ATP6V1C2: variants seen among roughly 807,000 people sequenced by gnomAD.
ATP6V1C2 encodes the protein V-type proton ATPase subunit C 2.
In ATP6V1C2, 45 loss-of-function variants were observed where a neutral mutation model predicts 56.8. The observed-to-expected ratio is 0.79, with a 90% confidence interval of 0.62 to 1.02. The LOEUF (loss-of-function observed/expected upper bound fraction) is 1.02, where lower values mean the gene tolerates loss of function less well. Among genes scored for constraint, ATP6V1C2 ranks in the 50% least tolerant of loss-of-function variants. ATP6V1C2 has a pLI of 0.00. For missense variants in ATP6V1C2, 463 were observed against 519.7 expected (o/e 0.89, Z 1.06); for synonymous variants, 220 against 201.3 (o/e 1.09, Z -0.79).
At chr2:10,762,632 T>G (rs978771168) in intron 4 of ATP6V1C2, among the ~76,000 whole-genome samples, 1 of 152,048 alleles carries the variant, frequency 6.6e-6, no homozygotes, top group African/African-American at 2.4e-5. Flanking sequence ...CCCATCTGCT[T>G]CTTGGGGACC....
At chr2:10,757,243 C>T (rs1663610683) in intron 4 of ATP6V1C2, among the ~76,000 whole-genome samples, 1 of 152,012 alleles carries the variant, frequency 6.6e-6, no homozygotes, top group Admixed American at 6.6e-5. Flanking sequence ...GAACTCCTGA[C>T]CTCAGGTGAT....
chr2:10,782,543 A>C (rs905481844), intron 13 of ATP6V1C2, among the ~76,000 whole-genome samples, 168 bp downstream of exon 13: 10 of 152,036 alleles, frequency 6.6e-5, no homozygotes, highest in African/African-American at 2.4e-4. Context: ...CTACTAAAAA[A>C]AAAATTGGGC....
intron 3 of ATP6V1C2, among the ~76,000 whole-genome samples, chr2:10,745,925 A>C (rs1471919707): frequency 6.6e-6 from 1 of 152,210 alleles, no homozygotes; most frequent in Non-Finnish European, 1.5e-5. Flanking sequence ...TCAATGTCTT[A>C]CAGCATGTCA....
intron 4 of ATP6V1C2, among the ~76,000 whole-genome samples, chr2:10,759,182 T>G (rs1001057138): frequency 3.3e-5 from 5 of 152,228 alleles, no homozygotes; most frequent in African/African-American, 1.2e-4. Flanking sequence ...GAGTTTCCTT[T>G]TCTCAACTGT....
intron 2 of ATP6V1C2, 24 bp downstream of exon 2, chr2:10,723,002 A>G: frequency 1.2e-6 from 2 of 1,613,464 alleles, no homozygotes; most frequent in Non-Finnish European, 1.7e-6. Context: ...GGAGGAGTGA[A>G]AAAGGGATGG....
At chr2:10,761,089 CAG>C (rs1044504407) in intron 4 of ATP6V1C2, among the ~76,000 whole-genome samples, 1 of 152,192 alleles carries the variant, frequency 6.6e-6, no homozygotes, top group Non-Finnish European at 1.5e-5. Context: ...CCAGCAGGGG[CAG>C]GGACAGTTGG....
intron 6 of ATP6V1C2, 46 bp from the exon 7 acceptor site, chr2:10,771,793 C>T: frequency 6.7e-7 from 1 of 1,502,380 alleles, no homozygotes; most frequent in Non-Finnish European, 9.3e-7. Flanking sequence ...CACTGTGTCC[C>T]TTTCTGCTCA....
chr2:10,735,468 C>T (rs187350837), intron 3 of ATP6V1C2, among the ~76,000 whole-genome samples: 11 of 152,300 alleles, frequency 7.2e-5, no homozygotes, highest in Admixed American at 6.5e-4. Context: ...CTGCCACGCC[C>T]AGCCTTAGAC....
rs1303017925 is a variant in ATP6V1C2, at chr2:10,780,093, C to G, written c.1061+1424C>G. Among the ~76,000 whole-genome samples the G allele has an allele frequency of 6.6e-6, 1 of 152,094 alleles. No homozygotes were observed. The highest frequency in any genetic ancestry group is 1.5e-5 in the Non-Finnish European group (1 of 68,014). ...TCCCTGCCGTCCCCCTGGCTGATGT[C>G]CCCTACTTTCCCTCGTTTTCCTGCC... is the stretch of plus-strand genomic sequence containing the variant. On this transcript the variant is annotated intron_variant, in intron 12 of 13. Coordinates refer to ENST00000272238, the MANE Select transcript of ATP6V1C2 (RefSeq NM_001039362.2). The surrounding 1 kb of genome is among the most constrained non-coding windows in gnomAD (Gnocchi z 4.1).
chr2:10,771,848 C>A lies in ATP6V1C2; in HGVS notation c.480C>A (p.Leu160=), dbSNP rs1207732681. ...ENLEKKSMGN[L]FTRTLSDIVS... ...TCCACCTGCCTTTTAGGGGGAACCTCTTCACCCGGACACTGAGTGATATTG... is the reference window on the plus strand; with the variant it reads ...TCCACCTGCCTTTTAGGGGGAACCTATTCACCCGGACACTGAGTGATATTG... Residue 160 remains leucine, a synonymous_variant, in exon 7 of 14, where the codon CTC becomes CTA. Transcript: ENST00000272238. 6.2e-7 allele frequency: 1 copy of A among 1,613,890 alleles called. No homozygotes were observed. Among genetic ancestry groups the A allele is most frequent in the African/African-American group, 1.3e-5 (1 of 74,940 alleles).
At chr2:10,760,139 G>A (rs957253692) in intron 4 of ATP6V1C2, among the ~76,000 whole-genome samples, 5 of 151,524 alleles carry the variant, frequency 3.3e-5, no homozygotes, top group South Asian at 2.1e-4. Flanking sequence ...CTGGGAGGCC[G>A]AGGCGGGCGG....
intron 3 of ATP6V1C2, among the ~76,000 whole-genome samples, chr2:10,738,661 G>A (rs1483534471): frequency 6.6e-6 from 1 of 152,094 alleles, no homozygotes; most frequent in Non-Finnish European, 1.5e-5. Context: ...GAGCTTCAGG[G>A]GCAACCTCCC....
chr2:10,724,903 C>T (rs1275441915), intron 2 of ATP6V1C2, among the ~76,000 whole-genome samples: 1 of 152,022 alleles, frequency 6.6e-6, no homozygotes, highest in African/African-American at 2.4e-5. Flanking sequence ...AAACCTTCGG[C>T]CTCCCAAAGT....
intron 5 of ATP6V1C2, 44 bp downstream of exon 5, chr2:10,764,469 A>AG: frequency 6.4e-7 from 1 of 1,557,272 alleles, no homozygotes; most frequent in Non-Finnish European, 8.9e-7. Flanking sequence ...CTGGTGGGTC[A>AG]GGCGGGCAAG....
chr2:10,742,851 G>A (rs1033339589), intron 3 of ATP6V1C2, among the ~76,000 whole-genome samples: 2 of 152,182 alleles, frequency 1.3e-5, no homozygotes, highest in Admixed American at 6.5e-5. Context: ...GATTTGTGAA[G>A]CTCCTGGGCG....
chr2:10,732,092 A>G (rs1420976057), intron 3 of ATP6V1C2, among the ~76,000 whole-genome samples: 1 of 152,112 alleles, frequency 6.6e-6, no homozygotes, highest in African/African-American at 2.4e-5. Context: ...AAGTCTTTTA[A>G]CCTCTTATTC....
rs567950374 is a variant in ATP6V1C2, at chr2:10,744,181, G to A, written c.198-9800G>A. The A allele has an allele frequency of 7.6e-4, 116 of 152,006 alleles. 2 individuals are homozygous for A. Among genetic ancestry groups the A allele is most frequent in the African/African-American group, 2.7e-3 (110 of 41,462 alleles). The allele number at this position is 152,006 out of a possible 1,614,324, so 9.4% of individuals were successfully genotyped here. A position where few individuals can be genotyped will look rare whatever the true frequency, so the allele number is the denominator to read the frequency against. On this transcript the variant is annotated intron_variant, in intron 3 of 13. Transcript: ENST00000272238. Reference sequence around the variant, plus strand: ...GGGTGACAGAGTGCGACCCTGTCTCGAAGGAAACAATACAGCTTTTTTAGA... The same window carrying A: ...GGGTGACAGAGTGCGACCCTGTCTCAAAGGAAACAATACAGCTTTTTTAGA...
intron 4 of ATP6V1C2, among the ~76,000 whole-genome samples, chr2:10,760,576 CAG>C (rs1276150377): frequency 3.3e-5 from 5 of 152,302 alleles, no homozygotes; most frequent in African/African-American, 1.2e-4. Context: ...GAGGCCCCTG[CAG>C]GGAGACATAA....
chr2:10,751,331 T>G (rs1185879246), intron 3 of ATP6V1C2, among the ~76,000 whole-genome samples: 1 of 152,140 alleles, frequency 6.6e-6, no homozygotes, highest in Non-Finnish European at 1.5e-5. Context: ...TCAAGGTGTC[T>G]CTTGCAGACT....
Sources: allele counts gnomAD v4.1 joint callset (sites outside exome capture counted in the v4.1 genomes callset), GRCh38; gene constraint gnomAD v4.1.1; non-coding constraint Gnocchi (gnomAD v3.1); transcripts MANE v1.5; gene names NCBI Gene and HGNC (gene_info 2026-07-23, HGNC 2026-07-21).